ZMYM3: variants seen among roughly 807,000 people sequenced by gnomAD.
ZMYM3 encodes the protein zinc finger MYM-type protein 3.
ZMYM3 carries 6 observed loss-of-function variants against 94.2 expected under a neutral mutation model. The ratio of observed to expected loss-of-function variants is 0.06; its 90% confidence interval spans 0.03 to 0.13. ZMYM3 has a LOEUF of 0.13. Among genes scored for constraint, ZMYM3 ranks in the 10% least tolerant of loss-of-function variants. The pLI is 1.00. For missense variants in ZMYM3, 664 were observed against 1,132.6 expected (o/e 0.59, Z 5.94); for synonymous variants, 420 against 426.5 (o/e 0.98, Z 0.19).
chrX:71,247,472 C>T lies in ZMYM3; in HGVS notation c.2187G>A (p.Leu729=), dbSNP rs780219532. The change falls in exon 13 of 25, where the codon CTG becomes CTA. Residue 729 remains leucine (L), a synonymous_variant. Transcript: ENST00000314425. ...GCCCACGCCAGTGGATGGTCTCCAG[C>T]AGCTTCCCCTGGCGCTTACACGCAT... ...RCHACKRQGK[L]LETIHWRGQI... 1 of 1,211,550 alleles carries T rather than the reference C, an allele frequency of 8.3e-7. No homozygotes were observed. Among genetic ancestry groups the T allele is most frequent in the Non-Finnish European group, 1.1e-6 (1 of 895,247 alleles).
In ZMYM3 at chrX:71,240,733, TGTCAAGTG is replaced by T; in HGVS notation, c.*175_*182del. 2.2e-6 allele frequency: 1 copy of T among 447,863 alleles called. No individual in the cohort carries two copies. The highest frequency in any genetic ancestry group is 3.7e-6 in the Non-Finnish European group (1 of 269,890). The allele number at this position is 447,863 out of a possible 1,213,427, so 36.9% of individuals were successfully genotyped here. On this transcript the variant is annotated 3_prime_UTR_variant, in exon 25 of 25. Transcript: ENST00000314425. ...GTACAGAAGACCAGGGCCCCATGGT[TGTCAAGTG>T]GTACGGAAGAAGATAAAAGCCAGGG...
intron 11 of ZMYM3, 68 bp downstream of exon 11, chrX:71,248,094 C>G: frequency 3.4e-6 from 4 of 1,183,961 alleles, no homozygotes; most frequent in Non-Finnish European, 4.6e-6. Context: ...TTCCCGGCCT[C>G]CCTCCCTTCT....
chrX:71,251,345 A>G (rs2030461012), intron 3 of ZMYM3, 101 bp from the exon 4 acceptor site: 1 of 949,905 alleles, frequency 1.1e-6, no homozygotes, highest in Non-Finnish European at 1.5e-6. Context: ...GGGGGAAGGG[A>G]GAGTGGGGAC....
Position 71,247,917 on chromosome X carries a change from G to T in ZMYM3, c.1976-11C>A, listed in dbSNP as rs1476009619. 3.4e-6 allele frequency: 4 copies of T among 1,181,010 alleles called. No homozygotes were observed. The highest frequency in any genetic ancestry group is 4.6e-6 in the Non-Finnish European group (4 of 878,969). On this transcript the variant is annotated splice_polypyrimidine_tract_variant and intron_variant, in intron 11 of 24. Coordinates refer to ENST00000314425, the MANE Select transcript of ZMYM3 (RefSeq NM_201599.3). ...ACAGCAGCACACAGCCTGGAAAGAG[G>T]AGAAGAGGAAAGAGAGTCCAGAGAC... is the stretch of plus-strand genomic sequence containing the variant.
At position 71,251,178 on chromosome X, in the gene ZMYM3, T is replaced by C; in HGVS notation, c.778A>G (p.Ile260Val). 1.7e-6 allele frequency: 2 copies of C among 1,210,348 alleles called. No homozygotes were observed. Among genetic ancestry groups the C allele is most frequent in the Non-Finnish European group, 2.2e-6 (2 of 894,775 alleles). ...KPEVVDSTES[I>V]PVSDEDSDAM... ...TCACACTTCCTCAAATCCTACTTAC[T>C]GCTCTCAGTGGAATCTACAACCTCA... Residue 260 changes from isoleucine (I) to valine (V), a missense_variant and splice_region_variant, in exon 4 of 25, where the codon ATT becomes GTT. Ile to Val is a conservative substitution (Grantham distance 29). Coordinates refer to ENST00000314425, the MANE Select transcript of ZMYM3 (RefSeq NM_201599.3).
chrX:71,249,322 A>G (rs1459716227), intron 7 of ZMYM3, 139 bp downstream of exon 7: 1 of 1,131,722 alleles, frequency 8.8e-7, no homozygotes, highest in Non-Finnish European at 1.2e-6. Context: ...CTTCAAAAAT[A>G]AAACATAACG....
chrX:71,248,660 T>C, intron 9 of ZMYM3, 26 bp downstream of exon 9: 1 of 1,175,040 alleles, frequency 8.5e-7, no homozygotes, highest in Non-Finnish European at 1.1e-6. Flanking sequence ...CAAACCCTTC[T>C]ATCCCTGGTC....
intron 22 of ZMYM3, among the ~76,000 whole-genome samples, chrX:71,242,649 C>T (rs751800722): frequency 4.5e-5 from 5 of 112,214 alleles, no homozygotes; most frequent in Non-Finnish European, 7.5e-5. Flanking sequence ...CTCTCACCAC[C>T]CTCAAGTTGT....
In ZMYM3 at chrX:71,245,430, C is replaced by T; in HGVS notation, c.2916G>A (p.Gly972=). 1 of 1,211,261 alleles carries T rather than the reference C, an allele frequency of 8.3e-7. No homozygotes were observed. The highest frequency in any genetic ancestry group is 1.8e-5 in the South Asian group (1 of 56,829). The change falls in exon 18 of 25, where the codon GGG becomes GGA. Residue 972 remains glycine, a synonymous_variant. Coordinates refer to ENST00000314425, the MANE Select transcript of ZMYM3 (RefSeq NM_201599.3). ...TGGCCAGGACATCATCTCGAGCAGGCCCAAACAGGTCACAGTCTTCCAGGA... is the reference window on the plus strand; with the variant it reads ...TGGCCAGGACATCATCTCGAGCAGGTCCAAACAGGTCACAGTCTTCCAGGA... The part of the protein sequence containing the change: ...EGLLEDCDLF[G]PARDDVLAMA...
At chrX:71,247,254 T>C in intron 13 of ZMYM3, 91 bp downstream of exon 13, 1 of 938,223 alleles carries the variant, frequency 1.1e-6, no homozygotes, top group East Asian at 3.4e-5. Context: ...AGGGGTGAGC[T>C]GAACGCAAGA....
upstream of ZMYM3, chrX:71,254,909 C>T (rs1166336877): frequency 9.0e-6 from 1 of 110,883 alleles, no homozygotes; most frequent in Non-Finnish European, 1.9e-5. Context: ...GGCTCTGGCT[C>T]AGTGGCAACG....
rs748503949 is a variant in ZMYM3, at chrX:71,247,504, G to C, written c.2155C>G (p.Arg719Gly). The stretch of plus-strand genomic sequence containing the variant: ...CCCTGGCGCTTACACGCATGGCACC[G>C]GGCAGCCTGAGGATGTCAAAAGGAT... ...KYLLWYCKAA[R>G]CHACKRQGKL... Residue 719 changes from arginine (R) to glycine (G), a missense_variant, in exon 13 of 25, where the codon CGG becomes GGG. By Grantham distance (125) the Arg-to-Gly change is moderately radical (BLOSUM62 -2). Around this residue, in one of 9 missense-constraint regions of ZMYM3, gnomAD observed 159 missense variants for 313.0 expected, o/e 0.51. Coordinates refer to ENST00000314425, the MANE Select transcript of ZMYM3 (RefSeq NM_201599.3). The C allele has an allele frequency of 8.3e-7, 1 of 1,209,184 alleles. No individual in the cohort carries two copies. Among genetic ancestry groups the C allele is most frequent in the Non-Finnish European group, 1.1e-6 (1 of 893,753 alleles).
At position 71,252,766 on chromosome X, in the gene ZMYM3, A is replaced by G. The variant is rs1420689482; in HGVS notation, c.490T>C (p.Ser164Pro). Reference sequence around the variant, plus strand: ...GAGCCCCTTCTTGCAGTAGCTATGGAGGTGGTCTCCTCCTCTTCAATATGT... The same window carrying G: ...GAGCCCCTTCTTGCAGTAGCTATGGGGGTGGTCTCCTCCTCTTCAATATGT... ...SPHIEEEETT[S>P]IATARRGSPG... Residue 164 changes from serine to proline, a missense_variant, in exon 2 of 25, where the codon TCC becomes CCC. Ser to Pro is a moderately conservative substitution (Grantham distance 74). Transcript: ENST00000314425. 4 of 1,210,289 alleles carry G rather than the reference A, an allele frequency of 3.3e-6. No homozygotes were observed. Among genetic ancestry groups the G allele is most frequent in the Middle Eastern group, 2.3e-4 (1 of 4,365 alleles).
Position 71,243,903 on chromosome X carries a change from T to G in ZMYM3, c.3358A>C (p.Arg1120=). The part of the protein sequence containing the change: ...ELNYGLAQFV[R]EITRPNGERY... ...TCACCATTGGGCCGAGTGATTTCTC[T>G]CACAAACTGGGCCAGACCGTAGTTG... is the stretch of plus-strand genomic sequence containing the variant. Residue 1120 remains arginine, a synonymous_variant, in exon 21 of 25, where the codon AGA becomes CGA. Transcript: ENST00000314425. 8.3e-7 allele frequency: 1 copy of G among 1,210,009 alleles called. No individual in the cohort carries two copies. The highest frequency in any genetic ancestry group is 2.3e-4 in the Middle Eastern group (1 of 4,342).
chrX:71,244,267 C>T, intron 20 of ZMYM3, 35 bp downstream of exon 20: 1 of 1,201,618 alleles, frequency 8.3e-7, no homozygotes, highest in Non-Finnish European at 1.1e-6. Context: ...CTCCCTGTCC[C>T]TGCCTCCCCA....
intron 1 of ZMYM3, among the ~76,000 whole-genome samples, chrX:71,253,535 C>T (rs1221531540): frequency 4.2e-5 from 4 of 95,607 alleles, no homozygotes; most frequent in African/African-American, 7.7e-5. Context: ...CCGCCCACCC[C>T]CCTACTCGAC....
upstream of ZMYM3, chrX:71,255,179 C>T (rs1299102998): frequency 8.4e-5 from 8 of 95,544 alleles, no homozygotes; most frequent in African/African-American, 3.1e-4. Flanking sequence ...TCCTCCAGCC[C>T]CCTTTCTGTC....
At chrX:71,241,864 C>T (rs893919274) in intron 23 of ZMYM3, among the ~76,000 whole-genome samples, 4 of 111,828 alleles carry the variant, frequency 3.6e-5, no homozygotes, top group African/African-American at 1.3e-4. Flanking sequence ...CTACCCTCCC[C>T]GACAGCCAAA....
At chrX:71,253,491 G>A (rs1438838091) in intron 1 of ZMYM3, among the ~76,000 whole-genome samples, 7 of 86,070 alleles carry the variant, frequency 8.1e-5, no homozygotes, top group Non-Finnish European at 1.6e-4. Flanking sequence ...CCCTGGCCCC[G>A]TGCCCACACT....
Sources: gnomAD v4.1 joint callset for allele counts (sites outside exome capture counted in the v4.1 genomes callset) on GRCh38, gnomAD v4.1.1 for gene constraint, gnomAD v4.1.1 regional missense constraint, MANE v1.5 for transcripts, NCBI Gene and HGNC (gene_info 2026-07-23, HGNC 2026-07-21) for gene names.